ZC3H12B: variants seen among roughly 807,000 people sequenced by gnomAD.
The protein encoded by ZC3H12B is zinc finger CCCH-type containing 12B, also known as probable ribonuclease ZC3H12B.
Under a neutral mutation model 43.9 loss-of-function variants are expected in ZC3H12B, and 7 were observed. That is an observed-to-expected ratio of 0.16 (90% CI 0.09 to 0.30). The LOEUF (loss-of-function observed/expected upper bound fraction) is 0.30. ZC3H12B is among the 10% of genes least tolerant of loss of function. ZC3H12B has a pLI of 1.00. For missense variants in ZC3H12B, 475 were observed against 670.2 expected, an observed-to-expected ratio of 0.71 and a Z score of 3.22; for synonymous variants, 222 against 241.7, an observed-to-expected ratio of 0.92 and a Z score of 0.76.
At chrX:65,143,013 A>AT in the ZC3H12B span, among the ~76,000 whole-genome samples, 164 of 105,943 alleles carry the variant, frequency 1.5e-3, 2 homozygotes, top group South Asian at 4.0e-3. Context: ...AAATTTTAGA[A>AT]TTTTTTTTTT....
intron 3 of ZC3H12B, among the ~76,000 whole-genome samples, chrX:65,478,133 C>G (rs914612631): frequency 1.8e-5 from 2 of 111,885 alleles, no homozygotes; most frequent in South Asian, 7.4e-4. Context: ...AATCTTTAAG[C>G]ATATTTTAAA....
At chrX:65,329,960 T>C in the ZC3H12B span, among the ~76,000 whole-genome samples, 2 of 112,245 alleles carry the variant, frequency 1.8e-5, no homozygotes, top group South Asian at 7.3e-4. Context: ...AGACTTGTAG[T>C]ATAGTTTGAA....
the ZC3H12B span, among the ~76,000 whole-genome samples, chrX:65,144,255 G>C: frequency 9.0e-6 from 1 of 111,378 alleles, no homozygotes; most frequent in Non-Finnish European, 1.9e-5. Context: ...AGGTTTTCTA[G>C]TTTATCTACA....
At chrX:65,458,087 A>ATT (rs2067661310) in intron 3 of ZC3H12B, among the ~76,000 whole-genome samples, 10 of 79,108 alleles carry the variant, frequency 1.3e-4, no homozygotes, top group African/African-American at 6.6e-4. Context: ...AAAAAAATTA[A>ATT]AAAAAAAAAA....
chrX:65,496,338 T>A (rs1192427617), intron 1 of ZC3H12B, among the ~76,000 whole-genome samples: 1 of 112,348 alleles, frequency 8.9e-6, no homozygotes, highest in Non-Finnish European at 1.9e-5. Context: ...ATGTTATTTT[T>A]GAAGCTTAAT....
chrX:65,368,766 G>C (rs1373652979), intron 1 of ZC3H12B, 63 bp from the exon 4 acceptor site: 1 of 112,111 alleles, frequency 8.9e-6, no homozygotes, highest in Admixed American at 9.5e-5. Context: ...GTGTTTCAGT[G>C]GTCGATTTAT....
chrX:65,190,235 G>A, the ZC3H12B span, among the ~76,000 whole-genome samples: 2 of 110,491 alleles, frequency 1.8e-5, no homozygotes, highest in East Asian at 5.7e-4. Context: ...GTAGTGTGAT[G>A]CCTCCAGCTT....
chrX:65,353,020 G>T, the ZC3H12B span, among the ~76,000 whole-genome samples: 4 of 109,678 alleles, frequency 3.6e-5, no homozygotes, highest in South Asian at 1.6e-3. Context: ...GCTAATTTGT[G>T]TGTGTGTGTG....
the ZC3H12B span, among the ~76,000 whole-genome samples, chrX:65,326,339 T>C: frequency 9.0e-6 from 1 of 111,043 alleles, no homozygotes; most frequent in African/African-American, 3.3e-5. Flanking sequence ...AACAATTCAA[T>C]TAAGAAATTG....
At chrX:65,070,641 C>G in the ZC3H12B span, among the ~76,000 whole-genome samples, 1 of 110,365 alleles carries the variant, frequency 9.1e-6, no homozygotes, top group Non-Finnish European at 1.9e-5. Context: ...TGTCTTTGTT[C>G]TCATCAGTTT....
At chrX:65,305,149 A>T in the ZC3H12B span, among the ~76,000 whole-genome samples, 1 of 111,845 alleles carries the variant, frequency 8.9e-6, no homozygotes, top group African/African-American at 3.2e-5. Flanking sequence ...AAAGTTGATT[A>T]TACTTTAAGT....
chrX:65,425,429 C>A (rs111485834), intron 3 of ZC3H12B, among the ~76,000 whole-genome samples: 2,037 of 110,992 alleles, frequency 0.018, 58 homozygotes, highest in African/African-American at 0.063. Context: ...CAATTTGATA[C>A]CCTCTATTCC....
chrX:65,276,925 A>G, the ZC3H12B span, among the ~76,000 whole-genome samples: 4 of 111,854 alleles, frequency 3.6e-5, no homozygotes, highest in African/African-American at 1.3e-4. Context: ...GAAAAGATAT[A>G]CATTGGCTGA....
chrX:65,214,858 A>C, the ZC3H12B span, among the ~76,000 whole-genome samples: 62 of 111,572 alleles, frequency 5.6e-4, no homozygotes, highest in South Asian at 0.015. Flanking sequence ...CTTAAATAAT[A>C]ATACTTGAAA....
the ZC3H12B span, among the ~76,000 whole-genome samples, chrX:65,199,213 T>C: frequency 1.9e-5 from 2 of 108,044 alleles, no homozygotes; most frequent in African/African-American, 3.4e-5. Flanking sequence ...TATTTTCAAG[T>C]AGACTGTCTT....
chrX:65,301,645 G>A, the ZC3H12B span, among the ~76,000 whole-genome samples: 1 of 111,289 alleles, frequency 9.0e-6, no homozygotes, highest in African/African-American at 3.3e-5. Context: ...TCATAAGTGG[G>A]AGCTAAGCTA....
At chrX:65,359,125 A>G in the ZC3H12B span, among the ~76,000 whole-genome samples, 1 of 111,264 alleles carries the variant, frequency 9.0e-6, no homozygotes, top group Middle Eastern at 4.6e-3. Flanking sequence ...TGGTTTATTG[A>G]ACATTTTAGG....
At chrX:65,097,262 T>C in the ZC3H12B span, among the ~76,000 whole-genome samples, 1 of 112,013 alleles carries the variant, frequency 8.9e-6, no homozygotes, top group African/African-American at 3.2e-5. Flanking sequence ...TGGTGTGTGT[T>C]AGCTCTTTCA....
the ZC3H12B span, among the ~76,000 whole-genome samples, chrX:65,212,131 C>G: frequency 8.3e-5 from 4 of 47,978 alleles, no homozygotes; most frequent in African/African-American, 2.6e-4. Flanking sequence ...ATATAATATA[C>G]TATATATTAT....
Sources: allele counts gnomAD v4.1 joint callset (sites outside exome capture counted in the v4.1 genomes callset), GRCh38; gene constraint gnomAD v4.1.1; transcripts MANE v1.5; gene names NCBI Gene and HGNC (gene_info 2026-07-23, HGNC 2026-07-21).